The following ZC3H18 variants were observed in gnomAD, a reference collection of about 807,000 sequenced individuals.
The protein encoded by ZC3H18 is zinc finger CCCH domain-containing protein 18.
ZC3H18 carries 8 observed loss-of-function variants against 106.1 expected under a neutral mutation model. That is an observed-to-expected ratio of 0.08 (90% confidence interval 0.04 to 0.14). The LOEUF is 0.14. Ranked by LOEUF, ZC3H18 falls within the 10% of genes least tolerant of loss-of-function variation. ZC3H18 has a pLI of 1.00. For synonymous variants in ZC3H18, 635 were observed against 522.1 expected (o/e 1.22, Z -2.95); for missense variants, 1,318 against 1,278.4 (o/e 1.03, Z -0.47).
chr16:88,595,388 T>TC lies in ZC3H18; in HGVS notation c.689-2788dup, dbSNP rs199637545. Among the ~76,000 whole-genome samples, 150 of 151,944 alleles carry TC rather than the reference T, an allele frequency of 9.9e-4. 1 individual carries two copies. In the East Asian group the frequency reaches 0.026, roughly 26 times the overall value. On this transcript the variant is annotated intron_variant, in intron 3 of 17. Coordinates refer to ENST00000301011, the MANE Select transcript of ZC3H18 (RefSeq NM_144604.4). ...TATCTTTATACTGTTAGAATCACAATCCACATAAATTTTGGGTTTGAAGTC... is the reference window on the plus strand; with the variant it reads ...TATCTTTATACTGTTAGAATCACAATCCCACATAAATTTTGGGTTTGAAGTC...
intron 3 of ZC3H18, among the ~76,000 whole-genome samples, chr16:88,597,027 TCTC>T (rs1388344274): frequency 6.6e-6 from 1 of 152,166 alleles, no homozygotes; most frequent in Non-Finnish European, 1.5e-5. Context: ...TTCACGCCAT[TCTC>T]CTGCTTCAGC....
chr16:88,602,824 A>G (rs78729051), intron 6 of ZC3H18, among the ~76,000 whole-genome samples: 4,004 of 152,254 alleles, frequency 0.026, 75 homozygotes, highest in Middle Eastern at 0.054. Context: ...TTTGCAAATA[A>G]TTGTCACATA....
chr16:88,574,278 C>T (rs953842637), intron 1 of ZC3H18, among the ~76,000 whole-genome samples: 2 of 151,436 alleles, frequency 1.3e-5, no homozygotes, highest in African/African-American at 2.4e-5. Context: ...GGTGTGATCT[C>T]GGCTCACTGC....
chr16:88,603,447 C>A (rs1435435299), intron 6 of ZC3H18, among the ~76,000 whole-genome samples: 1 of 151,052 alleles, frequency 6.6e-6, no homozygotes, highest in African/African-American at 2.4e-5. Context: ...ACGGTGAAAC[C>A]CCATCTCTAC....
intron 3 of ZC3H18, chr16:88,587,428 G>T: frequency 1.2e-6 from 1 of 816,634 alleles, no homozygotes; most frequent in South Asian, 1.6e-5. Context: ...TGGAAAGGTA[G>T]GAAGGTGTTT....
intron 8 of ZC3H18, among the ~76,000 whole-genome samples, chr16:88,620,445 G>T (rs556042961): frequency 1.6e-4 from 24 of 152,272 alleles, no homozygotes; most frequent in Admixed American, 2.0e-4. Context: ...CCTGGGTGTG[G>T]TGGTGCACAC....
chr16:88,592,080 G>C (rs7192603), intron 3 of ZC3H18, among the ~76,000 whole-genome samples: 1 of 152,216 alleles, frequency 6.6e-6, no homozygotes, highest in Non-Finnish European at 1.5e-5. Context: ...TATGTTTCAT[G>C]TTTTGAGGAG....
Position 88,628,629 on chromosome 16 carries a change from C to A in ZC3H18, c.2470-129C>A, listed in dbSNP as rs1906466732. 5 of 974,252 alleles carry A rather than the reference C, an allele frequency of 5.1e-6. No individual in the cohort carries two copies. In the East Asian group the frequency reaches 1.2e-4, roughly 24 times the overall value. 60.4% of individuals were successfully genotyped at this position (974,252 alleles called of 1,614,324 possible). On this transcript the variant is annotated intron_variant, in intron 15 of 17. Transcript: ENST00000301011. ...GAGGCCTCACTCAGGGCTACGGGGT[C>A]TCATGGGTGTGTGGTGGGACCTTTG...
chr16:88,600,304 C>T (rs879494242), intron 6 of ZC3H18, among the ~76,000 whole-genome samples: 1 of 152,206 alleles, frequency 6.6e-6, no homozygotes, highest in Non-Finnish European at 1.5e-5. Context: ...AGCCAGGAAA[C>T]GTGTGGAGGT....
At position 88,627,778 on chromosome 16, in the gene ZC3H18, G is replaced by C. The variant is rs1906403657; in HGVS notation, c.2265G>C (p.Glu755Asp). The C allele has an allele frequency of 6.2e-7, 1 of 1,610,932 alleles. No individual in the cohort carries two copies. Among genetic ancestry groups the C allele is most frequent in the Middle Eastern group, 1.7e-4 (1 of 6,052 alleles). The change falls in exon 14 of 18, where the codon GAG becomes GAC. Residue 755 changes from glutamate to aspartate, a missense_variant. Physicochemically the swap from Glu to Asp is conservative, Grantham distance 45. This residue lies in a region of ZC3H18 where 848 missense variants were observed against 821.7 expected (regional missense o/e 1.03). Transcript: ENST00000301011. This position sits in a 1 kb window ranked among gnomAD's most constrained non-coding sequence, Gnocchi z 4.5. ...RSPAPAQTRK[E>D]KGKSKKEDGV... The stretch of plus-strand genomic sequence containing the variant: ...CGGCCCCAGCCCAGACCAGGAAGGA[G>C]AAAGGTACTCAGGAGCCCTGGTACC...
intron 8 of ZC3H18, among the ~76,000 whole-genome samples, chr16:88,619,778 G>C (rs553530893): frequency 1.3e-5 from 2 of 152,156 alleles, no homozygotes; most frequent in African/African-American, 4.8e-5. Flanking sequence ...TCCTGACCAC[G>C]CCTTGACTTC....
intron 7 of ZC3H18, among the ~76,000 whole-genome samples, chr16:88,610,073 C>A (rs897300012): frequency 6.6e-6 from 1 of 152,108 alleles, no homozygotes; most frequent in African/African-American, 2.4e-5. Flanking sequence ...TGTTCCGGGC[C>A]TGCTGCACCT....
At chr16:88,619,676 G>A (rs1328591009) in intron 8 of ZC3H18, among the ~76,000 whole-genome samples, 4 of 152,152 alleles carry the variant, frequency 2.6e-5, no homozygotes, top group Non-Finnish European at 4.4e-5. Context: ...TTTCCATGCC[G>A]TGGCAGGGGG....
chr16:88,572,168 C>G (rs1597312885), intron 1 of ZC3H18, among the ~76,000 whole-genome samples: 1 of 152,214 alleles, frequency 6.6e-6, no homozygotes, highest in East Asian at 1.9e-4. Flanking sequence ...ACTAAGAATA[C>G]CAGAAGACTT....
At chr16:88,608,632 G>A in intron 6 of ZC3H18, 2 of 188,808 alleles carry the variant, frequency 1.1e-5, no homozygotes, top group South Asian at 9.4e-5. Flanking sequence ...CACGGTGCTG[G>A]GATTACAGGC....
intron 8 of ZC3H18, among the ~76,000 whole-genome samples, chr16:88,620,132 G>A (rs1905868422): frequency 6.6e-6 from 1 of 152,202 alleles, no homozygotes; most frequent in African/African-American, 2.4e-5. Flanking sequence ...TTGCCAGCCG[G>A]TTGGTTAAAC....
intron 13 of ZC3H18, chr16:88,626,053 G>A (rs1230137360): frequency 6.6e-6 from 1 of 151,970 alleles, no homozygotes; most frequent in Non-Finnish European, 1.5e-5. Flanking sequence ...AAACTCCTGA[G>A]CTCAGGCATT....
chr16:88,630,248 T>C (rs948167424), intron 16 of ZC3H18: 13 of 514,956 alleles, frequency 2.5e-5, no homozygotes, highest in Non-Finnish European at 4.1e-5. Context: ...CGTGAGATAT[T>C]GGCTGCTTGC....
intron 8 of ZC3H18, among the ~76,000 whole-genome samples, chr16:88,621,070 A>G (rs1905926972): frequency 6.6e-6 from 1 of 151,990 alleles, no homozygotes. Context: ...TTTGAGACGA[A>G]GTCTTGCTCT....
Sources: gnomAD v4.1 joint callset for allele counts (sites outside exome capture counted in the v4.1 genomes callset) on GRCh38, gnomAD v4.1.1 for gene constraint, gnomAD v4.1.1 regional missense constraint, Gnocchi (gnomAD v3.1) non-coding constraint, MANE v1.5 for transcripts, NCBI Gene and HGNC (gene_info 2026-07-23, HGNC 2026-07-21) for gene names.